Variants in CSNK1D observed in about 807,000 individuals in gnomAD.
The protein encoded by CSNK1D is casein kinase I isoform delta.
Under a neutral mutation model 46.6 loss-of-function variants are expected in CSNK1D, and 16 were observed. That is an observed-to-expected ratio of 0.34 (90% CI 0.23 to 0.52). The LOEUF (loss-of-function observed/expected upper bound fraction) is 0.52, where lower values mean the gene tolerates loss of function less well. Ranked by LOEUF, CSNK1D falls within the 20% of genes least tolerant of loss-of-function variation. The probability of loss-of-function intolerance (pLI) is 0.95; values close to 1 mark genes in which losing one functional copy is unlikely to be tolerated. For missense variants in CSNK1D, 398 were observed against 578.4 expected (o/e 0.69, Z 3.20); for synonymous variants, 276 against 228.2 (o/e 1.21, Z -1.89).
In CSNK1D at chr17:82,243,065, C is replaced by T. The variant is rs2050767813; in HGVS notation, c.*1716G>A. On this transcript the variant is annotated 3_prime_UTR_variant, in exon 9 of 9. Coordinates refer to ENST00000314028, the MANE Select transcript of CSNK1D (RefSeq NM_001893.6). The stretch of plus-strand genomic sequence containing the variant: ...TTAACTCGGCTCTGACCCACCCCAA[C>T]CTCCCTCTGTACTTCAACACACAGC... 3 of 985,462 alleles carry T rather than the reference C, an allele frequency of 3.0e-6. No individual in the cohort carries two copies. Among genetic ancestry groups the T allele is most frequent in the Non-Finnish European group, 1.2e-6 (1 of 829,944 alleles). 61.0% of individuals were successfully genotyped at this position (985,462 alleles called of 1,614,324 possible). A position where few individuals can be genotyped will look rare whatever the true frequency, so the allele number is the denominator to read the frequency against.
In CSNK1D at chr17:82,248,764, C is replaced by T; in HGVS notation, c.1197+111G>A. ...ACACCCTGGCGAGATTAAAAACTCTCAAAAATGGGGGGAAGAAAGGAAAGA... is the reference window on the plus strand; with the variant it reads ...ACACCCTGGCGAGATTAAAAACTCTTAAAAATGGGGGGAAGAAAGGAAAGA... On this transcript the variant is annotated intron_variant, in intron 8 of 8. Transcript: ENST00000314028. The surrounding 1 kb of genome is among the most constrained non-coding windows in gnomAD (Gnocchi z 4.1). 6.6e-7 allele frequency: 1 copy of T among 1,525,776 alleles called. No homozygotes were observed. The highest frequency in any genetic ancestry group is 1.2e-5 in the South Asian group (1 of 82,838). The allele number at this position is 1,525,776 out of a possible 1,614,324, so 94.5% of individuals were successfully genotyped here.
At position 82,273,469 on chromosome 17, in the gene CSNK1D, G is replaced by C; in HGVS notation, c.-88C>G. On this transcript the variant is annotated 5_prime_UTR_variant, in exon 1 of 9. Coordinates refer to ENST00000314028, the MANE Select transcript of CSNK1D (RefSeq NM_001893.6). The surrounding 1 kb of genome is among the most constrained non-coding windows in gnomAD (Gnocchi z 5.1). ...GCGGCGCCGCTGCTGCCGCTACTGC[G>C]GGTCCGGCTCCCGGCTCCGCCCCCC... 6.6e-7 allele frequency: 1 copy of C among 1,524,772 alleles called. No homozygotes were observed. 94.5% of individuals were successfully genotyped at this position (1,524,772 alleles called of 1,614,324 possible).
At chr17:82,239,726 G>T (rs1249512784), downstream of CSNK1D, 2 of 378,970 alleles carry the variant, frequency 5.3e-6, no homozygotes, top group Non-Finnish European at 9.3e-6. Context: ...GATGGGAGCT[G>T]AGGTGGAACA....
rs775217166 is a variant in CSNK1D at position 82,253,029 on chromosome 17, C to T, written c.552G>A (p.Thr184=). The T allele has an allele frequency of 8.1e-6, 13 of 1,613,956 alleles. No homozygotes were observed. The highest frequency in any genetic ancestry group is 3.3e-5 in the Admixed American group (2 of 60,006). ...TGTARYASIN[T]HLGIEQSRRD... The stretch of plus-strand genomic sequence containing the variant: ...CCAGGGGCTCACCAATTCCAAGGTG[C>T]GTGTTGATGGAGGCGTACCGCGCCG... The change falls in exon 4 of 9, where the codon ACG becomes ACA. Residue 184 remains threonine (T), a synonymous_variant. Transcript: ENST00000314028.
intron 2 of CSNK1D, among the ~76,000 whole-genome samples, chr17:82,262,496 A>G (rs1219589333): frequency 1.3e-5 from 2 of 152,250 alleles, no homozygotes; most frequent in Non-Finnish European, 2.9e-5. Context: ...GGAAGGCAGC[A>G]TCCATCAAGC....
rs1456289536 is a variant in CSNK1D, at chr17:82,242,890, C to G, written c.*1891G>C. On this transcript the variant is annotated 3_prime_UTR_variant, in exon 9 of 9. Coordinates refer to ENST00000314028, the MANE Select transcript of CSNK1D (RefSeq NM_001893.6). Reference sequence around the variant, plus strand: ...CGAGGCTCGGGCTGGAACCCGGGCGCAGAGCTGCCTCGCACAAACGTTCTG... The same window carrying G: ...CGAGGCTCGGGCTGGAACCCGGGCGGAGAGCTGCCTCGCACAAACGTTCTG... The G allele has an allele frequency of 1.0e-6, 1 of 985,320 alleles. No individual in the cohort carries two copies. Among genetic ancestry groups the G allele is most frequent in the African/African-American group, 1.7e-5 (1 of 57,230 alleles). 61.0% of individuals were successfully genotyped at this position (985,320 alleles called of 1,614,324 possible).
chr17:82,271,716 G>A (rs868649841), intron 1 of CSNK1D, among the ~76,000 whole-genome samples: 3 of 152,210 alleles, frequency 2.0e-5, no homozygotes, highest in African/African-American at 7.2e-5. Context: ...GTGTGGATTC[G>A]TCCTAACGCT....
intron 2 of CSNK1D, among the ~76,000 whole-genome samples, chr17:82,259,016 A>G (rs1036514450): frequency 1.3e-5 from 2 of 152,248 alleles, no homozygotes; most frequent in African/African-American, 4.8e-5. Context: ...GTCAGGAAAG[A>G]GAAGTGGCTG....
rs2050936764 is a variant in CSNK1D, at chr17:82,249,373, C to A, written c.1057+58G>T. On this transcript the variant is annotated intron_variant, in intron 7 of 8. Coordinates refer to ENST00000314028, the MANE Select transcript of CSNK1D (RefSeq NM_001893.6). The surrounding 1 kb of genome is among the most constrained non-coding windows in gnomAD (Gnocchi z 6.7). ...AGTACCCTGTTGTCCCCACCAACCCCAAGACACAAGAAGTCACCCCAGAGC... is the reference window on the plus strand; with the variant it reads ...AGTACCCTGTTGTCCCCACCAACCCAAAGACACAAGAAGTCACCCCAGAGC... 3 of 1,505,340 alleles carry A rather than the reference C, an allele frequency of 2.0e-6. No individual in the cohort carries two copies. 93.2% of individuals were successfully genotyped at this position (1,505,340 alleles called of 1,614,324 possible). A position where few individuals can be genotyped will look rare whatever the true frequency, so the allele number is the denominator to read the frequency against.
rs968806311 is a variant in CSNK1D at position 82,247,278 on chromosome 17, C to T, written c.1197+1597G>A. The T allele has an allele frequency of 3.0e-6, 3 of 985,334 alleles. No individual in the cohort carries two copies. The African/African-American group carries it at 5.2e-5, about 17-fold the overall frequency. The allele number at this position is 985,334 out of a possible 1,614,324, so 61.0% of individuals were successfully genotyped here. ...GCTCACCATGGAAGGAGACACTGCT[C>T]ACGGCCACCTTGGGGGCTGGTGGCT... On this transcript the variant is annotated intron_variant, in intron 8 of 8. Transcript: ENST00000314028.
At position 82,249,535 on chromosome 17, in the gene CSNK1D, G is replaced by A. The variant is rs1030456909; in HGVS notation, c.953C>T (p.Ser318Leu). 8.4e-6 allele frequency: 13 copies of A among 1,546,336 alleles called. No homozygotes were observed. The highest frequency in any genetic ancestry group is 1.1e-5 in the Non-Finnish European group (13 of 1,147,880). ...RRDREERLRH[S>L]RNPATRGLPS... ...GAGGCCGCGGGTAGCCGGGTTCCGC[G>A]AGTGTCTCAGCCGCTCCTCTCGGTC... is the stretch of plus-strand genomic sequence containing the variant. The change falls in exon 7 of 9, where the codon TCG (serine) becomes TTG (leucine). Residue 318 changes from serine to leucine, a missense_variant. By Grantham distance (145) the Ser-to-Leu change is moderately radical (BLOSUM62 -2). Transcript: ENST00000314028. The surrounding 1 kb of genome is among the most constrained non-coding windows in gnomAD (Gnocchi z 6.7).
At position 82,243,674 on chromosome 17, in the gene CSNK1D, C is replaced by G; in HGVS notation, c.*1107G>C. On this transcript the variant is annotated 3_prime_UTR_variant, in exon 9 of 9. Coordinates refer to ENST00000314028, the MANE Select transcript of CSNK1D (RefSeq NM_001893.6). ...GGGTCCTTCTGGCCTGCCGGCTTTTCTGAGCTAGTCTTGGCACGTGGCAAG... is the reference window on the plus strand; with the variant it reads ...GGGTCCTTCTGGCCTGCCGGCTTTTGTGAGCTAGTCTTGGCACGTGGCAAG... The G allele has an allele frequency of 6.1e-6, 6 of 985,504 alleles. No homozygotes were observed. Among genetic ancestry groups the G allele is most frequent in the Non-Finnish European group, 7.2e-6 (6 of 829,974 alleles). The allele number at this position is 985,504 out of a possible 1,614,324, so 61.0% of individuals were successfully genotyped here.
chr17:82,250,238 C>T lies in CSNK1D; in HGVS notation c.886-636G>A. The T allele has an allele frequency of 1.6e-6, 2 of 1,286,868 alleles. No homozygotes were observed. Among genetic ancestry groups the T allele is most frequent in the South Asian group, 2.5e-5 (2 of 80,960 alleles). The allele number at this position is 1,286,868 out of a possible 1,614,324, so 79.7% of individuals were successfully genotyped here. The stretch of plus-strand genomic sequence containing the variant: ...TGCGGCAGGGGCCTGCAAACTACAG[C>T]CCCGGGGCCAAACCCAGGTGCCACT... On this transcript the variant is annotated intron_variant, in intron 6 of 8. Coordinates refer to ENST00000314028, the MANE Select transcript of CSNK1D (RefSeq NM_001893.6). This position sits in a 1 kb window ranked among gnomAD's most constrained non-coding sequence, Gnocchi z 4.6.
chr17:82,245,034 G>A, intron 8 of CSNK1D: 1 of 680,624 alleles, frequency 1.5e-6, no homozygotes. Flanking sequence ...AAGACGGGAA[G>A]GAGGAAGAGG....
At chr17:82,241,199 G>T (rs2050737725), downstream of CSNK1D, among the ~76,000 whole-genome samples, 1 of 152,214 alleles carries the variant, frequency 6.6e-6, no homozygotes, top group Non-Finnish European at 1.5e-5. Context: ...TGTCCGCCCG[G>T]CCTGGGCCTT....
At chr17:82,247,009 G>A in intron 8 of CSNK1D, 6 of 985,478 alleles carry the variant, frequency 6.1e-6, no homozygotes, top group Non-Finnish European at 7.2e-6. Flanking sequence ...AGGACACACG[G>A]CCAAAGCCTT....
chr17:82,273,612 C>T lies in CSNK1D; in HGVS notation c.-231G>A, dbSNP rs1599631151. 3.6e-6 allele frequency: 2 copies of T among 561,744 alleles called. No individual in the cohort carries two copies. Among genetic ancestry groups the T allele is most frequent in the East Asian group, 6.5e-5 (2 of 30,714 alleles). The allele number at this position is 561,744 out of a possible 1,614,324, so 34.8% of individuals were successfully genotyped here. ...GCTGCTCCGGCCCCTACCGGTCCCG[C>T]TTGCCCTCTCCCCGCCGCGGATGGA... On this transcript the variant is annotated 5_prime_UTR_variant, in exon 1 of 9. Transcript: ENST00000314028. This position sits in a 1 kb window ranked among gnomAD's most constrained non-coding sequence, Gnocchi z 5.1.
Position 82,243,617 on chromosome 17 carries a change from G to A in CSNK1D, c.*1164C>T. 2 of 985,488 alleles carry A rather than the reference G, an allele frequency of 2.0e-6. No individual in the cohort carries two copies. Among genetic ancestry groups the A allele is most frequent in the Non-Finnish European group, 2.4e-6 (2 of 829,950 alleles). The allele number at this position is 985,488 out of a possible 1,614,324, so 61.0% of individuals were successfully genotyped here. A position where few individuals can be genotyped will look rare whatever the true frequency, so the allele number is the denominator to read the frequency against. ...GCCGTGAAGGTTCTGGGTCCGGTTG[G>A]GAGAGTCACCTGCTCCTTGGCACCT... On this transcript the variant is annotated 3_prime_UTR_variant, in exon 9 of 9. Transcript: ENST00000314028.
At position 82,246,402 on chromosome 17, in the gene CSNK1D, C is replaced by T. The variant is rs568912794; in HGVS notation, c.1198-1571G>A. 1.5e-4 allele frequency: 184 copies of T among 1,224,394 alleles called. No homozygotes were observed. In the African/African-American group the frequency reaches 2.6e-3, roughly 17 times the overall value. 75.8% of individuals were successfully genotyped at this position (1,224,394 alleles called of 1,614,324 possible). ...TGAAGGCAGGGGAGACGCACATCCT[C>T]GCCGGTACGACGACAGGGCTCAGGC... On this transcript the variant is annotated intron_variant, in intron 8 of 8. Coordinates refer to ENST00000314028, the MANE Select transcript of CSNK1D (RefSeq NM_001893.6).
Sources: allele counts gnomAD v4.1 joint callset (sites outside exome capture counted in the v4.1 genomes callset), GRCh38; gene constraint gnomAD v4.1.1; non-coding constraint Gnocchi (gnomAD v3.1); transcripts MANE v1.5; gene names NCBI Gene and HGNC (gene_info 2026-07-23, HGNC 2026-07-21).